The following CUBN variants were observed in gnomAD, a reference collection of about 807,000 sequenced individuals.
CUBN encodes the protein 460 kDa receptor.
Under a neutral mutation model 405.3 loss-of-function variants are expected in CUBN, and 282 were observed. The ratio of observed to expected loss-of-function variants is 0.70; its 90% CI spans 0.63 to 0.77. The LOEUF is 0.77. CUBN is among the 30% of genes least tolerant of loss of function. The pLI, the probability that CUBN is intolerant of heterozygous loss-of-function variation, is 0.00. For synonymous variants in CUBN, 1,684 were observed against 1,617.0 expected, an observed-to-expected ratio of 1.04 and a Z score of -0.99; for missense variants, 4,514 against 4,475.2, an observed-to-expected ratio of 1.01 and a Z score of -0.25.
At chr10:16,966,621 G>C (rs2942360) in intron 31 of CUBN, among the ~76,000 whole-genome samples, 1 of 151,846 alleles carries the variant, frequency 6.6e-6, no homozygotes, top group Admixed American at 6.6e-5. Context: ...GCTACATTTC[G>C]TATTTTTAGT....
At position 16,881,522 on chromosome 10, in the gene CUBN, G is replaced by C. The variant is rs138098540; in HGVS notation, c.8906-4425C>G. Among the ~76,000 whole-genome samples the C allele has an allele frequency of 1.0e-3, 156 of 152,190 alleles. 1 individual carries two copies. Among genetic ancestry groups the C allele is most frequent in the African/African-American group, 3.6e-3 (149 of 41,522 alleles). On this transcript the variant is annotated intron_variant, in intron 56 of 66. Transcript: ENST00000377833. The stretch of plus-strand genomic sequence containing the variant: ...GGGAAATGCAGAGGAAGTTGACAAG[G>C]GATTTTAGATTTTTTGTAGATGGCA...
In CUBN at chr10:17,041,042, A is replaced by G. The variant is rs756890567; in HGVS notation, c.4008T>C (p.Asp1336=). ...GCTTTATAATACATACCTCTAAATA[A>G]TCTGTGGAGCAGTTTATGTGATGTT... ...DLEHHINCST[D]YLELYDGPRQ... The change falls in exon 27 of 67, where the codon GAT becomes GAC. Residue 1336 remains aspartate, a synonymous_variant. Coordinates refer to ENST00000377833, the MANE Select transcript of CUBN (RefSeq NM_001081.4). 6.2e-7 allele frequency: 1 copy of G among 1,613,612 alleles called. No individual in the cohort carries two copies. The highest frequency in any genetic ancestry group is 1.1e-5 in the South Asian group (1 of 91,078).
intron 50 of CUBN, 68 bp downstream of exon 50, chr10:16,906,135 A>C: frequency 1.6e-6 from 2 of 1,277,838 alleles, no homozygotes. Flanking sequence ...AACAGCAGCG[A>C]CAACAACAAA....
chr10:16,928,528 C>A (rs1343550033), intron 40 of CUBN, among the ~76,000 whole-genome samples: 1 of 109,720 alleles, frequency 9.1e-6, no homozygotes, highest in Non-Finnish European at 2.1e-5. Flanking sequence ...CACCCCACCC[C>A]CCCCTTTTTT....
chr10:16,986,929 G>C (rs867081684), intron 29 of CUBN, among the ~76,000 whole-genome samples: 2 of 152,168 alleles, frequency 1.3e-5, no homozygotes, highest in African/African-American at 4.8e-5. Flanking sequence ...ACATCCCCTT[G>C]AGATCACAAA....
At chr10:16,973,537 T>C (rs1382638090) in intron 31 of CUBN, among the ~76,000 whole-genome samples, 1 of 152,200 alleles carries the variant, frequency 6.6e-6, no homozygotes, top group Non-Finnish European at 1.5e-5. Context: ...AGGTTTGCTA[T>C]AGAGGTAAAT....
At chr10:17,058,410 GTT>G (rs1835438930) in intron 22 of CUBN, among the ~76,000 whole-genome samples, 1 of 152,044 alleles carries the variant, frequency 6.6e-6, no homozygotes, top group Non-Finnish European at 1.5e-5. Flanking sequence ...AAGCTTGAAA[GTT>G]CTGTGCACAG....
At chr10:16,949,151 G>A (rs1027762210) in intron 34 of CUBN, among the ~76,000 whole-genome samples, 4 of 152,166 alleles carry the variant, frequency 2.6e-5, no homozygotes, top group East Asian at 3.8e-4. Context: ...AACATACTGA[G>A]AACAGTACTC....
intron 14 of CUBN, among the ~76,000 whole-genome samples, chr10:17,095,137 C>T (rs187930317): frequency 6.6e-6 from 1 of 151,954 alleles, no homozygotes; most frequent in African/African-American, 2.4e-5. Context: ...ACAAACATGG[C>T]AAGAACATAC....
intron 28 of CUBN, among the ~76,000 whole-genome samples, chr10:16,994,806 C>G (rs1242579270): frequency 1.3e-5 from 2 of 152,132 alleles, no homozygotes; most frequent in Admixed American, 6.5e-5. Context: ...GATGAAAATA[C>G]CAGCCAGGCG....
chr10:16,903,644 AATT>A (rs1164734181), intron 51 of CUBN, among the ~76,000 whole-genome samples: 3 of 147,346 alleles, frequency 2.0e-5, no homozygotes, highest in African/African-American at 7.3e-5. Flanking sequence ...ATTAAATAAT[AATT>A]ATTATTAATA....
chr10:16,994,072 T>C (rs1394545434), intron 28 of CUBN, among the ~76,000 whole-genome samples: 2 of 152,246 alleles, frequency 1.3e-5, no homozygotes, highest in African/African-American at 4.8e-5. Flanking sequence ...ACATGGCATA[T>C]GCATACATAT....
At chr10:16,914,588 T>C (rs1841828472) in intron 47 of CUBN, among the ~76,000 whole-genome samples, 1 of 150,074 alleles carries the variant, frequency 6.7e-6, no homozygotes, top group Admixed American at 6.6e-5. Flanking sequence ...ATCAAGAAAA[T>C]TGGCCAGCAG....
intron 27 of CUBN, among the ~76,000 whole-genome samples, chr10:17,020,880 C>T (rs570972219): frequency 3.9e-5 from 6 of 151,950 alleles, no homozygotes; most frequent in Non-Finnish European, 2.9e-5. Flanking sequence ...TTAAAAGATT[C>T]CTAGAAAGGG....
At chr10:16,999,826 G>C (rs117615293) in intron 28 of CUBN, among the ~76,000 whole-genome samples, 2 of 152,252 alleles carry the variant, frequency 1.3e-5, no homozygotes, top group Non-Finnish European at 2.9e-5. Flanking sequence ...AAAGCTCAAA[G>C]AGCCTCCAGG....
chr10:16,939,833 A>C (rs1285222968), intron 37 of CUBN, among the ~76,000 whole-genome samples, 199 bp downstream of exon 37: 1 of 152,218 alleles, frequency 6.6e-6, no homozygotes, highest in East Asian at 1.9e-4. Context: ...AACCATTGAG[A>C]GTGCTCTCCC....
Position 16,859,383 on chromosome 10 carries a change from A to T in CUBN, c.9455-7940T>A, listed in dbSNP as rs116616988. Among the ~76,000 whole-genome samples the T allele has an allele frequency of 3.5e-3, 534 of 152,330 alleles. 8 individuals are homozygous for T. Among genetic ancestry groups the T allele is most frequent in the African/African-American group, 0.012 (517 of 41,592 alleles). On this transcript the variant is annotated intron_variant, in intron 59 of 66. Transcript: ENST00000377833. ...GAAAAGCACGTGAAAATTGTTCACC[A>T]TTAAATTAAAATCACATGAGATATT...
At position 16,828,902 on chromosome 10, in the gene CUBN, AT is replaced by A; in HGVS notation, c.10666del (p.Ile3556SerfsTer37). 1 of 1,614,144 alleles carries A rather than the reference AT, an allele frequency of 6.2e-7. No homozygotes were observed. The highest frequency in any genetic ancestry group is 8.5e-7 in the Non-Finnish European group (1 of 1,180,008). The part of the protein sequence containing the change: ...GRLVTINFYF[I>X]SIDDPGDCVQ... ...ACAGTCTCCTGGATCGTCAATGCTG[AT>A]GAAGTAGAAGTTGATGGTGACAAGC... On this transcript the variant is annotated frameshift_variant, in exon 66 of 67. Transcript: ENST00000377833. LOFTEE classifies it high-confidence loss of function.
At chr10:16,861,568 G>T (rs1293120753) in intron 59 of CUBN, among the ~76,000 whole-genome samples, 1 of 151,828 alleles carries the variant, frequency 6.6e-6, no homozygotes, top group African/African-American at 2.4e-5. Context: ...AACCCTATAA[G>T]GTCATTATTA....
Sources: gnomAD v4.1 joint callset for allele counts (sites outside exome capture counted in the v4.1 genomes callset) on GRCh38, gnomAD v4.1.1 for gene constraint, MANE v1.5 for transcripts, NCBI Gene and HGNC (gene_info 2026-07-23, HGNC 2026-07-21) for gene names.